Variants in OR10A3 observed in about 807,000 individuals in gnomAD.
OR10A3 encodes olfactory receptor 10A3.
A neutral mutation model predicts 1.5 loss-of-function variants in OR10A3; 1 was observed. The ratio of observed to expected loss-of-function variants is 0.66; its 90% CI spans 0.23 to 3.11. OR10A3 has a LOEUF of 3.11. Ranked by LOEUF, OR10A3 falls within the 30% of genes most tolerant of loss-of-function variation. OR10A3 has a pLI of 0.21. For missense variants in OR10A3, 398 were observed against 369.7 expected, an observed-to-expected ratio of 1.08 and a Z score of -0.63; for synonymous variants, 145 against 143.7, an observed-to-expected ratio of 1.01 and a Z score of -0.06.
rs1227884915 is a variant in OR10A3, at chr11:7,937,682, A to G, written c.*894T>C. ...GATTATAATTTGTGTAAGGTCATGAAGTAGAACCATTTTTGGCCCCCCAAA... is the reference window on the plus strand; with the variant it reads ...GATTATAATTTGTGTAAGGTCATGAGGTAGAACCATTTTTGGCCCCCCAAA... On this transcript the variant is annotated 3_prime_UTR_variant, in exon 2 of 2. Coordinates refer to ENST00000642047, the MANE Select transcript of OR10A3 (RefSeq NM_001003745.2). 1.3e-5 allele frequency: 2 copies of G among 152,192 alleles called. No homozygotes were observed. The highest frequency in any genetic ancestry group is 1.3e-4 in the Admixed American group (2 of 15,274). 9.4% of individuals were successfully genotyped at this position (152,192 alleles called of 1,614,324 possible).
chr11:7,938,316 A>G lies in OR10A3; in HGVS notation c.*260T>C. On this transcript the variant is annotated 3_prime_UTR_variant, in exon 2 of 2. Transcript: ENST00000642047. ...AACTCCATCTCAAAAAAAAAAAAAA[A>G]AAAAATGACAGTAATCCAGTAGCTA... The G allele has an allele frequency of 3.0e-6, 1 of 332,658 alleles. No individual in the cohort carries two copies. Among genetic ancestry groups the G allele is most frequent in the Non-Finnish European group, 5.4e-6 (1 of 184,758 alleles). The allele number at this position is 332,658 out of a possible 1,614,324, so 20.6% of individuals were successfully genotyped here. A position where few individuals can be genotyped will look rare whatever the true frequency, so the allele number is the denominator to read the frequency against.
At chr11:7,939,903 T>C (rs977436898) in intron 1 of OR10A3, among the ~76,000 whole-genome samples, 3 of 152,152 alleles carry the variant, frequency 2.0e-5, no homozygotes, top group African/African-American at 7.2e-5. Context: ...AGCCTATACC[T>C]CTTCCCTTAG....
Position 7,938,949 on chromosome 11 carries a change from T to C in OR10A3, c.572A>G (p.Asp191Gly). Reference protein sequence around the residue: ...TPPVLELVCADTFLFEIYAFT... With the variant: ...TPPVLELVCAGTFLFEIYAFT... The stretch of plus-strand genomic sequence containing the variant: ...GGCATAGATTTCAAATAAGAAGGTG[T>C]CTGCACACACAAGCTCTAGTACCGG... The change falls in exon 2 of 2, where the codon GAC becomes GGC. Residue 191 changes from aspartate to glycine, a missense_variant. Physicochemically the swap from Asp to Gly is moderately conservative, Grantham distance 94. Transcript: ENST00000642047. The C allele has an allele frequency of 6.2e-7, 1 of 1,614,098 alleles. No homozygotes were observed. The highest frequency in any genetic ancestry group is 8.5e-7 in the Non-Finnish European group (1 of 1,179,990).
chr11:7,939,461 A>C lies in OR10A3; in HGVS notation c.60T>G (p.Phe20Leu), dbSNP rs1941408505. Residue 20 changes from phenylalanine (F) to leucine (L), a missense_variant, in exon 2 of 2, where the codon TTT (phenylalanine) becomes TTG (leucine). Coordinates refer to ENST00000642047, the MANE Select transcript of OR10A3 (RefSeq NM_001003745.2). ...VEFILLGFSN[F>L]PELQVQLFGV... ...CAAAGAGCTGCACCTGGAGCTCAGG[A>C]AAGTTAGAAAAGCCCAGGAGGATGA... 1 of 1,595,022 alleles carries C rather than the reference A, an allele frequency of 6.3e-7. No individual in the cohort carries two copies. Among genetic ancestry groups the C allele is most frequent in the Non-Finnish European group, 8.5e-7 (1 of 1,175,184 alleles).
intron 1 of OR10A3, among the ~76,000 whole-genome samples, chr11:7,940,499 G>A (rs369045963): frequency 1.2e-4 from 18 of 151,836 alleles, no homozygotes; most frequent in African/African-American, 3.4e-4. Flanking sequence ...ACCTTTAAAC[G>A]GAAACCTAAC....
Position 7,939,375 on chromosome 11 carries a change from A to T in OR10A3, c.146T>A (p.Ile49Asn). ...AACGTGGAGGCTCTGGTTTAAGGAG[A>T]TGATGACTGTAATGATGGCATTTCC... is the stretch of plus-strand genomic sequence containing the variant. ...LMGNAIITVI[I>N]SLNQSLHVPM... The change falls in exon 2 of 2, where the codon ATC (isoleucine) becomes AAC (asparagine). Residue 49 changes from isoleucine (I) to asparagine (N), a missense_variant. Transcript: ENST00000642047. 6.2e-7 allele frequency: 1 copy of T among 1,614,128 alleles called. No homozygotes were observed. The highest frequency in any genetic ancestry group is 8.5e-7 in the Non-Finnish European group (1 of 1,180,010).
At position 7,938,764 on chromosome 11, in the gene OR10A3, C is replaced by T. The variant is rs146467002; in HGVS notation, c.757G>A (p.Gly253Ser). ...SHLTSVTLFY[G>S]TANMTYLQPK... ...TGTAAATAAGTCATATTGGCTGTGC[C>T]ATAGAACAGGGTCACAGATGTGAGG... The change falls in exon 2 of 2, where the codon GGC (glycine) becomes AGC (serine). Residue 253 changes from glycine to serine, a missense_variant. Coordinates refer to ENST00000642047, the MANE Select transcript of OR10A3 (RefSeq NM_001003745.2). The T allele has an allele frequency of 2.0e-3, 3,255 of 1,614,120 alleles. 10 individuals carry two copies. Among genetic ancestry groups the T allele is most frequent in the Middle Eastern group, 2.5e-3 (15 of 6,062 alleles).
At chr11:7,941,542 G>A (rs1172363992) in intron 1 of OR10A3, 45 bp downstream of exon 1, 2 of 152,036 alleles carry the variant, frequency 1.3e-5, no homozygotes, top group Admixed American at 6.6e-5. Flanking sequence ...AATTACTGTC[G>A]AACTTTTATG....
In OR10A3 at chr11:7,939,351, A is replaced by G; in HGVS notation, c.170T>C (p.Val57Ala). Residue 57 changes from valine to alanine, a missense_variant, in exon 2 of 2, where the codon GTT becomes GCT. Transcript: ENST00000642047. ...GTTCAGGAGGAACAGGTACATGGGA[A>G]CGTGGAGGCTCTGGTTTAAGGAGAT... Reference protein sequence around the residue: ...VIISLNQSLHVPMYLFLLNLS... With the variant: ...VIISLNQSLHAPMYLFLLNLS... The G allele has an allele frequency of 6.2e-7, 1 of 1,614,140 alleles. No individual in the cohort carries two copies. Among genetic ancestry groups the G allele is most frequent in the Non-Finnish European group, 8.5e-7 (1 of 1,180,014 alleles).
At position 7,937,834 on chromosome 11, in the gene OR10A3, C is replaced by T. The variant is rs529424446; in HGVS notation, c.*742G>A. On this transcript the variant is annotated 3_prime_UTR_variant, in exon 2 of 2. Coordinates refer to ENST00000642047, the MANE Select transcript of OR10A3 (RefSeq NM_001003745.2). ...ACCAAAGCACAGTGAGCCTTCAGGC[C>T]AGTCTGAAGAACTATAATCATTTTG... 30 of 152,268 alleles carry T rather than the reference C, an allele frequency of 2.0e-4. No homozygotes were observed. Among genetic ancestry groups the T allele is most frequent in the African/African-American group, 7.2e-4 (30 of 41,554 alleles). 9.4% of individuals were successfully genotyped at this position (152,268 alleles called of 1,614,324 possible).
At position 7,939,615 on chromosome 11, in the gene OR10A3, A is replaced by G. The variant is rs1941411583; in HGVS notation, c.-95T>C. Reference sequence around the variant, plus strand: ...TGTGAGTTCAAGTCTGGAATTCTTGACAGCAGATGTAATGACAAGCTCATT... The same window carrying G: ...TGTGAGTTCAAGTCTGGAATTCTTGGCAGCAGATGTAATGACAAGCTCATT... On this transcript the variant is annotated 5_prime_UTR_variant, in exon 2 of 2. Transcript: ENST00000642047. The G allele has an allele frequency of 1.1e-6, 1 of 942,728 alleles. No homozygotes were observed. Among genetic ancestry groups the G allele is most frequent in the Non-Finnish European group, 1.5e-6 (1 of 650,768 alleles). The allele number at this position is 942,728 out of a possible 1,614,324, so 58.4% of individuals were successfully genotyped here. A position where few individuals can be genotyped will look rare whatever the true frequency, so the allele number is the denominator to read the frequency against.
In OR10A3 at chr11:7,937,261, C is replaced by G. The variant is rs1941368370; in HGVS notation, c.*1315G>C. The G allele has an allele frequency of 6.6e-6, 1 of 152,174 alleles. No individual in the cohort carries two copies. Among genetic ancestry groups the G allele is most frequent in the Non-Finnish European group, 1.5e-5 (1 of 68,044 alleles). 9.4% of individuals were successfully genotyped at this position (152,174 alleles called of 1,614,324 possible). Reference sequence around the variant, plus strand: ...ATATACACAAATTATAATGACACCCCTTCATTTAGCAGAATATGTATATCT... The same window carrying G: ...ATATACACAAATTATAATGACACCCGTTCATTTAGCAGAATATGTATATCT... On this transcript the variant is annotated 3_prime_UTR_variant, in exon 2 of 2. Coordinates refer to ENST00000642047, the MANE Select transcript of OR10A3 (RefSeq NM_001003745.2).
chr11:7,938,743 A>AATAAGTCATATTGGCTGTGCC lies in OR10A3; in HGVS notation c.757_777dup (p.Gly253_Tyr259dup). 6.2e-7 allele frequency: 1 copy of AATAAGTCATATTGGCTGTGCC among 1,614,164 alleles called. No homozygotes were observed. The highest frequency in any genetic ancestry group is 8.5e-7 in the Non-Finnish European group (1 of 1,180,028). The stretch of plus-strand genomic sequence containing the variant: ...GGTGAGTAGCCAGATTTGGGTTGTA[A>AATAAGTCATATTGGCTGTGCC]ATAAGTCATATTGGCTGTGCCATAG... On this transcript the variant is annotated inframe_insertion, in exon 2 of 2. Coordinates refer to ENST00000642047, the MANE Select transcript of OR10A3 (RefSeq NM_001003745.2).
Position 7,939,143 on chromosome 11 carries a change from A to C in OR10A3, c.378T>G (p.Ile126Met). The C allele has an allele frequency of 6.2e-7, 1 of 1,614,212 alleles. No homozygotes were observed. Among genetic ancestry groups the C allele is most frequent in the Non-Finnish European group, 8.5e-7 (1 of 1,180,026 alleles). The change falls in exon 2 of 2, where the codon ATT becomes ATG. Residue 126 changes from isoleucine to methionine, a missense_variant. Transcript: ENST00000642047. ...TCACTGGGTAGTTCAGAGGATGGCA[A>C]ATTGCAGCAAATCGGTCATAAGCCA... ...GAMAYDRFAA[I>M]CHPLNYPVIM...
intron 1 of OR10A3, among the ~76,000 whole-genome samples, chr11:7,940,840 T>C (rs1388627841): frequency 1.3e-5 from 2 of 152,132 alleles, no homozygotes; most frequent in Non-Finnish European, 2.9e-5. Flanking sequence ...ACCTTAGTAC[T>C]AGCATGGACC....
Position 7,941,170 on chromosome 11 carries a change from G to A in OR10A3, c.-179+417C>T, listed in dbSNP as rs557171670. On this transcript the variant is annotated intron_variant, in intron 1 of 1. Transcript: ENST00000642047. Reference sequence around the variant, plus strand: ...GCTCCAGGCCTATAAAACCAAATACGTTTGTAAAATGAGAAAATTTAGAGT... The same window carrying A: ...GCTCCAGGCCTATAAAACCAAATACATTTGTAAAATGAGAAAATTTAGAGT... Among the ~76,000 whole-genome samples, 12 of 152,162 alleles carry A rather than the reference G, an allele frequency of 7.9e-5. No homozygotes were observed. The South Asian group carries it at 8.3e-4, about 11-fold the overall frequency.
Position 7,939,621 on chromosome 11 carries a change from G to A in OR10A3, c.-101C>T, listed in dbSNP as rs889940974. ...TTCAAGTCTGGAATTCTTGACAGCA[G>A]ATGTAATGACAAGCTCATTTTGACA... On this transcript the variant is annotated 5_prime_UTR_variant, in exon 2 of 2. Transcript: ENST00000642047. 3.4e-5 allele frequency: 30 copies of A among 879,770 alleles called. No individual in the cohort carries two copies. Among genetic ancestry groups the A allele is most frequent in the Middle Eastern group, 2.3e-4 (1 of 4,412 alleles). The allele number at this position is 879,770 out of a possible 1,614,324, so 54.5% of individuals were successfully genotyped here. A position where few individuals can be genotyped will look rare whatever the true frequency, so the allele number is the denominator to read the frequency against.
intron 1 of OR10A3, among the ~76,000 whole-genome samples, chr11:7,940,576 C>A (rs1327833730): frequency 2.0e-5 from 3 of 151,912 alleles, no homozygotes; most frequent in Non-Finnish European, 4.4e-5. Flanking sequence ...AATAATATCA[C>A]CCTCCCTCCG....
At chr11:7,941,113 G>T (rs1941437076) in intron 1 of OR10A3, among the ~76,000 whole-genome samples, 1 of 151,976 alleles carries the variant, frequency 6.6e-6, no homozygotes, top group Non-Finnish European at 1.5e-5. Context: ...AAATGCCTAA[G>T]TATCATTTTA....
Sources: allele counts gnomAD v4.1 joint callset (sites outside exome capture counted in the v4.1 genomes callset), GRCh38; gene constraint gnomAD v4.1.1; transcripts MANE v1.5; gene names NCBI Gene and HGNC (gene_info 2026-07-23, HGNC 2026-07-21).